The following MRPS9 variants were observed in gnomAD, a reference collection of about 807,000 sequenced individuals.
MRPS9 encodes the protein small ribosomal subunit protein uS9m.
In MRPS9, 45 loss-of-function variants were observed where a neutral mutation model predicts 59.9. The observed-to-expected ratio is 0.75, with a 90% CI of 0.59 to 0.96. The LOEUF (loss-of-function observed/expected upper bound fraction) is 0.96, where lower values mean the gene tolerates loss of function less well. Ranked by LOEUF, MRPS9 falls within the 40% of genes least tolerant of loss-of-function variation. The pLI is 0.00. For synonymous variants in MRPS9, 171 were observed against 166.8 expected, an observed-to-expected ratio of 1.03 and a Z score of -0.19; for missense variants, 473 against 481.1, an observed-to-expected ratio of 0.98 and a Z score of 0.16.
At chr2:105,092,137 C>T (rs1429088883) in intron 7 of MRPS9, 4 of 324,872 alleles carry the variant, frequency 1.2e-5, no homozygotes, top group Non-Finnish European at 2.2e-5. Context: ...ATCTCAATTT[C>T]ATAAACATAA....
At chr2:105,090,308 A>T (rs1217156701) in intron 7 of MRPS9, among the ~76,000 whole-genome samples, 1 of 152,244 alleles carries the variant, frequency 6.6e-6, no homozygotes, top group East Asian at 1.9e-4. Context: ...TCATCTCCTT[A>T]CGTAAGGCCA....
At chr2:105,040,866 C>G (rs1679489115) in intron 1 of MRPS9, among the ~76,000 whole-genome samples, 1 of 152,100 alleles carries the variant, frequency 6.6e-6, no homozygotes, top group South Asian at 2.1e-4. Flanking sequence ...TGGGCAGCTT[C>G]CCAGAGGAGG....
intron 8 of MRPS9, among the ~76,000 whole-genome samples, chr2:105,092,972 C>T (rs1335214088): frequency 5.3e-5 from 8 of 152,328 alleles, no homozygotes; most frequent in Non-Finnish European, 1.2e-4. Flanking sequence ...CCTTAACTCA[C>T]ATTTTTCTTG....
intron 4 of MRPS9, among the ~76,000 whole-genome samples, chr2:105,075,600 A>C (rs780361424): frequency 5.3e-5 from 8 of 152,186 alleles, no homozygotes; most frequent in Non-Finnish European, 1.0e-4. Flanking sequence ...TCAAATCTGG[A>C]CATAAATTTC....
intron 2 of MRPS9, among the ~76,000 whole-genome samples, chr2:105,063,588 A>G (rs1195416790): frequency 6.6e-6 from 1 of 152,216 alleles, no homozygotes; most frequent in African/African-American, 2.4e-5. Context: ...TTTTATTTTA[A>G]AGTAAAATAC....
intron 5 of MRPS9, among the ~76,000 whole-genome samples, chr2:105,086,591 G>A (rs571059449): frequency 1.4e-4 from 21 of 152,174 alleles, no homozygotes; most frequent in African/African-American, 3.1e-4. Context: ...CCTTGTAAGC[G>A]GAGGAGGGTA....
intron 9 of MRPS9, 125 bp downstream of exon 9, chr2:105,093,763 G>A: frequency 2.0e-6 from 1 of 496,376 alleles, no homozygotes; most frequent in East Asian, 3.3e-5. Context: ...CTTTACCAAT[G>A]TAACATATCA....
intron 1 of MRPS9, among the ~76,000 whole-genome samples, chr2:105,044,456 A>G (rs1679558464): frequency 6.6e-6 from 1 of 152,244 alleles, no homozygotes; most frequent in Non-Finnish European, 1.5e-5. Flanking sequence ...ATGCTGTGAT[A>G]ACTTTGTAAA....
At chr2:105,053,888 A>G (rs1679754312) in intron 2 of MRPS9, among the ~76,000 whole-genome samples, 1 of 152,250 alleles carries the variant, frequency 6.6e-6, no homozygotes. Context: ...TAATCAAATC[A>G]TGAATTAATA....
At chr2:105,046,406 C>G (rs1267257793) in intron 1 of MRPS9, among the ~76,000 whole-genome samples, 1 of 151,784 alleles carries the variant, frequency 6.6e-6, no homozygotes, top group Non-Finnish European at 1.5e-5. Context: ...GTTTTTTGTC[C>G]TAACGCTAAT....
At chr2:105,095,764 T>C (rs759473689) in intron 9 of MRPS9, among the ~76,000 whole-genome samples, 27 of 152,074 alleles carry the variant, frequency 1.8e-4, no homozygotes, top group Non-Finnish European at 3.7e-4. Context: ...CCCAAAGTGC[T>C]GGGATTACAG....
chr2:105,083,396 G>A (rs1042621706), intron 5 of MRPS9, among the ~76,000 whole-genome samples: 2 of 152,168 alleles, frequency 1.3e-5, no homozygotes, highest in South Asian at 4.1e-4. Flanking sequence ...GGCCTGTCCA[G>A]GATGACCAAG....
At chr2:105,065,769 C>A (rs1457010503) in intron 2 of MRPS9, among the ~76,000 whole-genome samples, 2 of 152,352 alleles carry the variant, frequency 1.3e-5, no homozygotes, top group Admixed American at 6.5e-5. Context: ...GGCTGTTCAA[C>A]TCAGTACTAA....
At position 105,038,282 on chromosome 2, in the gene MRPS9, C is replaced by T. The variant is rs1239157432; in HGVS notation, c.135+55C>T. On this transcript the variant is annotated intron_variant, in intron 1 of 10. Transcript: ENST00000258455. The stretch of plus-strand genomic sequence containing the variant: ...ACCTCTGCCGCGCGAGGATGTGGAG[C>T]CAGCGCGGACACCTTCCCCCAGCGT... The T allele has an allele frequency of 1.1e-5, 18 of 1,572,922 alleles. No individual in the cohort carries two copies. The East Asian group carries it at 3.5e-4, about 31-fold the overall frequency.
At chr2:105,060,141 T>G (rs1309648773) in intron 2 of MRPS9, among the ~76,000 whole-genome samples, 1 of 152,016 alleles carries the variant, frequency 6.6e-6, no homozygotes, top group Non-Finnish European at 1.5e-5. Context: ...TAATCTAAAA[T>G]TTTTTGTGAA....
intron 2 of MRPS9, among the ~76,000 whole-genome samples, chr2:105,065,617 C>T (rs1417545449): frequency 1.3e-5 from 2 of 152,256 alleles, no homozygotes; most frequent in East Asian, 3.9e-4. Context: ...TAATAAGACA[C>T]AGTGAGGATT....
intron 1 of MRPS9, among the ~76,000 whole-genome samples, chr2:105,042,316 A>T (rs1485972236): frequency 1.3e-5 from 2 of 152,256 alleles, no homozygotes; most frequent in Non-Finnish European, 2.9e-5. Context: ...GTCGGGCTGA[A>T]GGCCCCAGGT....
In MRPS9 at chr2:105,052,926, CTGTT is replaced by C. The variant is rs377585574; in HGVS notation, c.315+3583_315+3586del. 4.1e-3 allele frequency among the ~76,000 whole-genome samples: 631 copies of C among 152,188 alleles called. 6 individuals carry two copies. Among genetic ancestry groups the C allele is most frequent in the African/African-American group, 0.014 (597 of 41,536 alleles). On this transcript the variant is annotated intron_variant, in intron 2 of 10. Coordinates refer to ENST00000258455, the MANE Select transcript of MRPS9 (RefSeq NM_182640.3). The stretch of plus-strand genomic sequence containing the variant: ...ACTCTTAACTACCTTTTTGGTTTGT[CTGTT>C]TGTTTGACTGATAAAGACAAGGTCT...
chr2:105,060,849 C>T (rs113171074), intron 2 of MRPS9, among the ~76,000 whole-genome samples: 1,579 of 151,794 alleles, frequency 0.01, 24 homozygotes, highest in African/African-American at 0.036. Flanking sequence ...CGGTGGCTCA[C>T]GCCTGTAATC....
Sources: allele counts gnomAD v4.1 joint callset (sites outside exome capture counted in the v4.1 genomes callset), GRCh38; gene constraint gnomAD v4.1.1; transcripts MANE v1.5; gene names NCBI Gene and HGNC (gene_info 2026-07-23, HGNC 2026-07-21).